Variants in UNC13C observed in about 807,000 individuals in gnomAD.
UNC13C encodes the protein unc-13 homolog C.
UNC13C carries 174 observed loss-of-function variants against 245.4 expected under a neutral mutation model. That is an observed-to-expected ratio of 0.71 (90% CI 0.63 to 0.80). The LOEUF is 0.80. UNC13C is among the 30% of genes least tolerant of loss of function. The pLI, the probability that UNC13C is intolerant of heterozygous loss-of-function variation, is 0.00. For missense variants in UNC13C, 2,829 were observed against 2,602.9 expected (o/e 1.09, Z -1.89); for synonymous variants, 992 against 895.1 (o/e 1.11, Z -1.93).
intron 19 of UNC13C, among the ~76,000 whole-genome samples, chr15:54,436,019 A>G (rs1445118519): frequency 6.6e-6 from 1 of 151,950 alleles, no homozygotes; most frequent in Non-Finnish European, 1.5e-5. Flanking sequence ...AAATGCAAAT[A>G]AAAACCACAA....
chr15:54,620,491 C>A lies in UNC13C; in HGVS notation c.6107-1836C>A, dbSNP rs1182122871. 2.0e-5 allele frequency among the ~76,000 whole-genome samples: 3 copies of A among 152,130 alleles called. No homozygotes were observed. The East Asian group carries it at 5.8e-4, about 29-fold the overall frequency. ...ATGGCCAGGTGCAGTACTTTGGGAT[C>A]TCCCAATCCAGGTTCATACTGTATT... On this transcript the variant is annotated intron_variant, in intron 30 of 32. Coordinates refer to ENST00000260323, the MANE Select transcript of UNC13C (RefSeq NM_001080534.3).
At chr15:53,916,978 A>G in the UNC13C span, among the ~76,000 whole-genome samples, 48 of 152,222 alleles carry the variant, frequency 3.2e-4, no homozygotes, top group Admixed American at 9.8e-4. Flanking sequence ...ATATAGTTAA[A>G]TATTGGCATA....
chr15:54,422,938 A>G (rs988432731), intron 19 of UNC13C, among the ~76,000 whole-genome samples: 2 of 148,702 alleles, frequency 1.3e-5, no homozygotes, highest in African/African-American at 5.0e-5. Flanking sequence ...AAAAGAAAAT[A>G]CACTTCTACA....
At chr15:54,394,163 TA>T (rs1285535854) in intron 18 of UNC13C, among the ~76,000 whole-genome samples, 1 of 151,880 alleles carries the variant, frequency 6.6e-6, no homozygotes, top group Non-Finnish European at 1.5e-5. Context: ...AAATTCCAGT[TA>T]AAGAAGAAAT....
chr15:54,228,890 G>A (rs186273484), intron 4 of UNC13C, among the ~76,000 whole-genome samples: 1 of 152,272 alleles, frequency 6.6e-6, no homozygotes, highest in African/African-American at 2.4e-5. Flanking sequence ...ATTTGCCCAA[G>A]TCCACTGGCT....
intron 19 of UNC13C, among the ~76,000 whole-genome samples, chr15:54,487,255 A>C (rs139746861): frequency 1.2e-4 from 19 of 152,196 alleles, no homozygotes; most frequent in Non-Finnish European, 1.2e-4. Context: ...AGAACTACCA[A>C]CTGCTACTCC....
intron 30 of UNC13C, among the ~76,000 whole-genome samples, chr15:54,617,513 C>A (rs1900521502): frequency 6.6e-6 from 1 of 151,960 alleles, no homozygotes; most frequent in African/African-American, 2.4e-5. Flanking sequence ...CCCAGTCTTA[C>A]CATCTGTAAA....
chr15:54,429,157 T>G (rs2040816342), intron 19 of UNC13C, among the ~76,000 whole-genome samples: 2 of 151,894 alleles, frequency 1.3e-5, no homozygotes, highest in South Asian at 4.1e-4. Context: ...AAAAGAATCT[T>G]TGTACCATTA....
chr15:54,436,159 T>C (rs1181588579), intron 19 of UNC13C, among the ~76,000 whole-genome samples: 1 of 152,046 alleles, frequency 6.6e-6, no homozygotes, highest in Non-Finnish European at 1.5e-5. Flanking sequence ...GTTCAACTAT[T>C]ATGGAAGACA....
At chr15:53,841,682 TTTTAACATAGA>T in the UNC13C span, among the ~76,000 whole-genome samples, 1 of 152,144 alleles carries the variant, frequency 6.6e-6, no homozygotes. Flanking sequence ...GAAAAAAATG[TTTTAACATAGA>T]TCTGTAGTTG....
chr15:54,530,681 C>A (rs1311380409), intron 25 of UNC13C, among the ~76,000 whole-genome samples: 1 of 151,974 alleles, frequency 6.6e-6, no homozygotes, highest in Non-Finnish European at 1.5e-5. Context: ...TAACGAGGGA[C>A]CAAGAGAGCC....
intron 2 of UNC13C, among the ~76,000 whole-genome samples, chr15:54,038,124 A>ATATATATATATTTTTTTTTTTTT: frequency 2.2e-5 from 1 of 45,034 alleles, no homozygotes; most frequent in Non-Finnish European, 3.5e-5. Flanking sequence ...ATATATATAT[A>ATATATATATATTTTTTTTTTTTT]TTTTTTTTTT....
chr15:54,208,032 A>G (rs2034768895), intron 4 of UNC13C, among the ~76,000 whole-genome samples: 1 of 152,162 alleles, frequency 6.6e-6, no homozygotes, highest in South Asian at 2.1e-4. Context: ...TGAAAGCTGT[A>G]CAAGAAGCAT....
chr15:53,873,561 G>T, the UNC13C span, among the ~76,000 whole-genome samples: 1 of 152,026 alleles, frequency 6.6e-6, no homozygotes. Flanking sequence ...GCTCAAAGAG[G>T]CTCAGAAGGC....
chr15:54,152,694 G>A (rs1261443894), intron 4 of UNC13C, among the ~76,000 whole-genome samples: 1 of 152,154 alleles, frequency 6.6e-6, no homozygotes, highest in Non-Finnish European at 1.5e-5. Context: ...AATCACTTGT[G>A]TTAGAAAATT....
chr15:54,279,535 C>G (rs1455966836), intron 10 of UNC13C, among the ~76,000 whole-genome samples: 1 of 152,128 alleles, frequency 6.6e-6, no homozygotes, highest in Non-Finnish European at 1.5e-5. Flanking sequence ...CTGATGGAAC[C>G]ACAACTTGTT....
chr15:54,134,686 AT>A (rs542821168), intron 2 of UNC13C, among the ~76,000 whole-genome samples: 4 of 148,820 alleles, frequency 2.7e-5, no homozygotes, highest in Middle Eastern at 3.4e-3. Context: ...CGCCTGGCTA[AT>A]TTTTTTTTTG....
At chr15:54,197,212 C>A (rs1241529023) in intron 4 of UNC13C, among the ~76,000 whole-genome samples, 1 of 152,150 alleles carries the variant, frequency 6.6e-6, no homozygotes, top group Non-Finnish European at 1.5e-5. Context: ...CACAGTGGCT[C>A]ACGCCTGTAA....
At chr15:54,288,347 T>G (rs1032134424) in intron 10 of UNC13C, among the ~76,000 whole-genome samples, 2 of 152,042 alleles carry the variant, frequency 1.3e-5, no homozygotes, top group Non-Finnish European at 2.9e-5. Context: ...CACTCAAGGG[T>G]GAGTACTGTG....
Sources: allele counts gnomAD v4.1 joint callset (sites outside exome capture counted in the v4.1 genomes callset), GRCh38; gene constraint gnomAD v4.1.1; transcripts MANE v1.5; gene names NCBI Gene and HGNC (gene_info 2026-07-23, HGNC 2026-07-21).